RBFOX1: variants seen among roughly 807,000 people sequenced by gnomAD.
The protein encoded by RBFOX1 is RNA binding fox-1 homolog 1, also known as RNA binding protein fox-1 homolog 1.
Under a neutral mutation model 57.7 loss-of-function variants are expected in RBFOX1, and 8 were observed. That is an observed-to-expected ratio of 0.14 (90% CI 0.08 to 0.25). RBFOX1 has a LOEUF of 0.25. Ranked by LOEUF, RBFOX1 falls within the 10% of genes least tolerant of loss-of-function variation. The pLI is 1.00. For synonymous variants in RBFOX1, 326 were observed against 222.4 expected, an observed-to-expected ratio of 1.47 and a Z score of -4.15; for missense variants, 611 against 548.5, an observed-to-expected ratio of 1.11 and a Z score of -1.14.
At chr16:6,313,731 G>A (rs2080694349) in intron 1 of RBFOX1, among the ~76,000 whole-genome samples, 1 of 151,814 alleles carries the variant, frequency 6.6e-6, no homozygotes, top group Admixed American at 6.6e-5. Flanking sequence ...AATGAAAATT[G>A]TGCCCAATTC....
At chr16:7,319,189 A>T (rs763377079) in intron 4 of RBFOX1, among the ~76,000 whole-genome samples, 4 of 152,308 alleles carry the variant, frequency 2.6e-5, no homozygotes, top group Admixed American at 6.5e-5. Context: ...TCTCCAAGGA[A>T]GTGAGGTCTG....
chr16:7,322,376 G>A (rs913805307), intron 4 of RBFOX1, among the ~76,000 whole-genome samples: 3 of 152,250 alleles, frequency 2.0e-5, no homozygotes, highest in Non-Finnish European at 4.4e-5. Context: ...TAGCGTCAAA[G>A]TCACAGTGCT....
At chr16:7,328,025 C>G (rs1275319605) in intron 4 of RBFOX1, among the ~76,000 whole-genome samples, 4 of 152,148 alleles carry the variant, frequency 2.6e-5, no homozygotes, top group Non-Finnish European at 5.9e-5. Flanking sequence ...GACGTCTAAA[C>G]TTTGAGAGGC....
chr16:5,288,943 G>A (rs536685427), intron 1 of RBFOX1, among the ~76,000 whole-genome samples: 2 of 152,108 alleles, frequency 1.3e-5, no homozygotes, highest in East Asian at 3.9e-4. Context: ...CGGCCAACAT[G>A]GTGAAACCCT....
chr16:7,484,903 C>T (rs1350797761), intron 4 of RBFOX1, among the ~76,000 whole-genome samples: 3 of 152,250 alleles, frequency 2.0e-5, no homozygotes, highest in Admixed American at 2.0e-4. Context: ...TTGTCAGTAT[C>T]AGGAAAGTAA....
chr16:5,793,212 G>C (rs564043840), intron 3 of RBFOX1, among the ~76,000 whole-genome samples: 6 of 152,312 alleles, frequency 3.9e-5, no homozygotes, highest in Non-Finnish European at 7.3e-5. Context: ...GAGAGGCCAG[G>C]AGCCCAGCCC....
intron 3 of RBFOX1, among the ~76,000 whole-genome samples, chr16:6,818,225 T>G (rs201676859): frequency 1.3e-5 from 2 of 152,218 alleles, no homozygotes; most frequent in South Asian, 4.2e-4. Flanking sequence ...AACGAAATGT[T>G]AGCAGACATG....
At chr16:5,391,934 A>G (rs1172569971) in intron 1 of RBFOX1, among the ~76,000 whole-genome samples, 1 of 151,588 alleles carries the variant, frequency 6.6e-6, no homozygotes, top group African/African-American at 2.4e-5. Flanking sequence ...TACACACACA[A>G]TGGAATACTA....
At chr16:5,876,406 T>A (rs1253846036) in intron 4 of RBFOX1, among the ~76,000 whole-genome samples, 1 of 152,140 alleles carries the variant, frequency 6.6e-6, no homozygotes, top group African/African-American at 2.4e-5. Flanking sequence ...AGGAGGGAAG[T>A]TGAGACTCAC....
At chr16:7,601,622 T>C (rs1361549372) in intron 9 of RBFOX1, among the ~76,000 whole-genome samples, 1 of 151,884 alleles carries the variant, frequency 6.6e-6, no homozygotes, top group Non-Finnish European at 1.5e-5. Flanking sequence ...CGAGGAAAAA[T>C]CAACACCACC....
At chr16:7,072,966 G>C (rs767417054) in intron 4 of RBFOX1, among the ~76,000 whole-genome samples, 1 of 152,222 alleles carries the variant, frequency 6.6e-6, no homozygotes, top group Non-Finnish European at 1.5e-5. Context: ...CATGCCCTGA[G>C]TTCTTGGCTG....
intron 2 of RBFOX1, among the ~76,000 whole-genome samples, chr16:6,618,815 A>C (rs9928607): frequency 0.89 from 135,301 of 152,138 alleles, 61,601 homozygotes; most frequent in Non-Finnish European, 0.99. Flanking sequence ...GTGCCTGTGC[A>C]ACTGCACCTT....
At chr16:7,174,269 T>A (rs2081247514) in intron 4 of RBFOX1, among the ~76,000 whole-genome samples, 1 of 152,178 alleles carries the variant, frequency 6.6e-6, no homozygotes, top group Non-Finnish European at 1.5e-5. Context: ...TATTATTGAG[T>A]AATATTCCAT....
chr16:6,993,498 G>T (rs1241221591), intron 3 of RBFOX1, among the ~76,000 whole-genome samples: 1 of 152,142 alleles, frequency 6.6e-6, no homozygotes, highest in East Asian at 1.9e-4. Context: ...TTGCATTGAA[G>T]AAACGGAATC....
intron 3 of RBFOX1, among the ~76,000 whole-genome samples, chr16:6,823,962 G>A (rs2154278897): frequency 6.6e-6 from 1 of 152,276 alleles, no homozygotes; most frequent in African/African-American, 2.4e-5. Flanking sequence ...GGTGGCATCT[G>A]GTCCAAATCT....
intron 1 of RBFOX1, among the ~76,000 whole-genome samples, chr16:6,067,162 C>G (rs114928576): frequency 6.5e-4 from 99 of 152,252 alleles, no homozygotes; most frequent in African/African-American, 2.3e-3. Flanking sequence ...CATGGTGCTT[C>G]TGTAAGAAGA....
chr16:7,573,157 G>A (rs370314370), intron 5 of RBFOX1, among the ~76,000 whole-genome samples: 6 of 152,190 alleles, frequency 3.9e-5, no homozygotes, highest in Admixed American at 6.5e-5. Context: ...AGATTGTATC[G>A]GCAAGAGGGC....
intron 2 of RBFOX1, among the ~76,000 whole-genome samples, chr16:5,475,083 A>G (rs991545349): frequency 6.6e-6 from 1 of 152,198 alleles, no homozygotes; most frequent in Non-Finnish European, 1.5e-5. Context: ...TGGAAGTGGC[A>G]CATGGATGGA....
At chr16:6,638,637 A>G (rs1246228577) in intron 2 of RBFOX1, among the ~76,000 whole-genome samples, 1 of 152,172 alleles carries the variant, frequency 6.6e-6, no homozygotes, top group African/African-American at 2.4e-5. Flanking sequence ...TTTTTACACT[A>G]ATTTATATAA....
Sources: gnomAD v4.1 joint callset for allele counts (sites outside exome capture counted in the v4.1 genomes callset) on GRCh38, gnomAD v4.1.1 for gene constraint, MANE v1.5 for transcripts, NCBI Gene and HGNC (gene_info 2026-07-23, HGNC 2026-07-21) for gene names.